The following FAT1 variants were observed in gnomAD, a reference collection of about 807,000 sequenced individuals.
FAT1 encodes the protein protocadherin Fat 1.
FAT1 carries 171 observed loss-of-function variants against 329.8 expected under a neutral mutation model. The ratio of observed to expected loss-of-function variants is 0.52; its 90% CI spans 0.46 to 0.59. The LOEUF (loss-of-function observed/expected upper bound fraction) is 0.59, where lower values mean the gene tolerates loss of function less well. Ranked by LOEUF, FAT1 falls within the 20% of genes least tolerant of loss-of-function variation. FAT1 has a pLI of 0.00. For missense variants in FAT1, 5,672 were observed against 5,774.4 expected (o/e 0.98, Z 0.57); for synonymous variants, 2,233 against 2,228.6 (o/e 1.00, Z -0.06).
chr4:186,621,316 T>A lies in FAT1; in HGVS notation c.5270A>T (p.Asp1757Val), dbSNP rs2126524146. 1.2e-6 allele frequency: 2 copies of A among 1,614,040 alleles called. No homozygotes were observed. Among genetic ancestry groups the A allele is most frequent in the Non-Finnish European group, 1.7e-6 (2 of 1,179,890 alleles). Residue 1757 changes from aspartate to valine, a missense_variant, in exon 10 of 27, where the codon GAT (aspartate) becomes GTT (valine). By Grantham distance (152) the Asp-to-Val change is radical (BLOSUM62 -3). Coordinates refer to ENST00000441802, the MANE Select transcript of FAT1 (RefSeq NM_005245.4). ...AAAAACTGGCGCGTTGTCATTCTCA[T>A]CCTGCAAGTGAACTAGAACCGTTGT... is the stretch of plus-strand genomic sequence containing the variant. ...TNTTVLVHLQ[D>V]ENDNAPVFMQ...
intron 3 of FAT1, among the ~76,000 whole-genome samples, chr4:186,662,344 G>C (rs1202198472): frequency 6.6e-6 from 1 of 152,162 alleles, no homozygotes; most frequent in Non-Finnish European, 1.5e-5. Flanking sequence ...GGTGAACGCA[G>C]TCACCACTTG....
At position 186,596,657 on chromosome 4, in the gene FAT1, G is replaced by T. The variant is rs1393830338; in HGVS notation, c.12883C>A (p.His4295Asn). 3.1e-6 allele frequency: 5 copies of T among 1,610,590 alleles called. No homozygotes were observed. Among genetic ancestry groups the T allele is most frequent in the Non-Finnish European group, 4.2e-6 (5 of 1,177,870 alleles). ...CTGCAGACCGCCACTGCTTTTCGGT[G>T]CCCGTGCACAGACTCGGGGTTAAAA... The part of the protein sequence containing the change: ...STFNPESVHG[H>N]RKAVAVCSVA... Residue 4295 changes from histidine (H) to asparagine (N), a missense_variant, in exon 25 of 27, where the codon CAC becomes AAC. His to Asn is a moderately conservative substitution (Grantham distance 68). Transcript: ENST00000441802. This position sits in a 1 kb window ranked among gnomAD's most constrained non-coding sequence, Gnocchi z 4.7.
intron 1 of FAT1, among the ~76,000 whole-genome samples, chr4:186,711,067 T>A (rs1744925016): frequency 6.6e-6 from 1 of 152,130 alleles, no homozygotes; most frequent in Non-Finnish European, 1.5e-5. Flanking sequence ...ACTCTCAAAT[T>A]AATATTCACA....
chr4:186,628,656 T>C lies in FAT1; in HGVS notation c.4431A>G (p.Gln1477=), dbSNP rs772612352. Residue 1477 remains glutamine, a synonymous_variant, in exon 8 of 27, where the codon CAA becomes CAG. Transcript: ENST00000441802. ...EDTAPETEIL[Q]ISAVDQDEKN... ...TCTCATCCTGATCCACAGCACTGAT[T>C]TGCAAAATTTCTGTTTCTGGCGCTG... is the stretch of plus-strand genomic sequence containing the variant. The C allele has an allele frequency of 3.7e-6, 6 of 1,613,992 alleles. No individual in the cohort carries two copies.
At position 186,628,287 on chromosome 4, in the gene FAT1, G is replaced by A. The variant is rs2126542665; in HGVS notation, c.4677C>T (p.Ala1559=). The A allele has an allele frequency of 6.2e-7, 1 of 1,613,724 alleles. No homozygotes were observed. The highest frequency in any genetic ancestry group is 8.5e-7 in the Non-Finnish European group (1 of 1,179,792). Residue 1559 remains alanine (A), a synonymous_variant, in exon 9 of 27, where the codon GCC becomes GCT. Coordinates refer to ENST00000441802, the MANE Select transcript of FAT1 (RefSeq NM_005245.4). The part of the protein sequence containing the change: ...VVNVSDTNDH[A]PWFTASSYKG... ...TGTAGGAGGAAGCGGTGAACCACGG[G>A]GCGTGGTCATTCGTGTCGCTGACAT... is the stretch of plus-strand genomic sequence containing the variant.
At chr4:186,699,873 A>G (rs1744218307) in intron 2 of FAT1, among the ~76,000 whole-genome samples, 3 of 152,220 alleles carry the variant, frequency 2.0e-5, no homozygotes, top group South Asian at 2.1e-4. Context: ...AAAGCTTAAA[A>G]TCTTTTCAAT....
intron 14 of FAT1, among the ~76,000 whole-genome samples, chr4:186,610,661 A>ATTTATATAAT (rs377319738): frequency 1.2e-5 from 1 of 83,880 alleles, no homozygotes; most frequent in Non-Finnish European, 2.7e-5. Flanking sequence ...ATAAATATAA[A>ATTTATATAAT]TTATATAATT....
chr4:186,589,064 T>G lies in FAT1; in HGVS notation c.13295A>C (p.Glu4432Ala). ...TTCTGGGGGTGGAGGAAAATCACTTTCGATGTCGTAGCCTCCAGGGTAATA... is the reference window on the plus strand; with the variant it reads ...TTCTGGGGGTGGAGGAAAATCACTTGCGATGTCGTAGCCTCCAGGGTAATA... Reference protein sequence around the residue: ...TDYYPGGYDIESDFPPPPEDF... With the variant: ...TDYYPGGYDIASDFPPPPEDF... Residue 4432 changes from glutamate (E) to alanine (A), a missense_variant, in exon 27 of 27, where the codon GAA (glutamate) becomes GCA (alanine). Glu to Ala is a moderately radical substitution (Grantham distance 107). Coordinates refer to ENST00000441802, the MANE Select transcript of FAT1 (RefSeq NM_005245.4). 1.2e-6 allele frequency: 2 copies of G among 1,613,906 alleles called. No individual in the cohort carries two copies. The highest frequency in any genetic ancestry group is 8.5e-7 in the Non-Finnish European group (1 of 1,179,886).
chr4:186,624,698 T>A (rs1740215569), intron 9 of FAT1, among the ~76,000 whole-genome samples: 1 of 152,242 alleles, frequency 6.6e-6, no homozygotes, highest in Admixed American at 6.5e-5. Context: ...TAATTAAACA[T>A]GCAGTGTTAC....
In FAT1 at chr4:186,663,448, T is replaced by C; in HGVS notation, c.3431A>G (p.Tyr1144Cys). 1 of 1,614,050 alleles carries C rather than the reference T, an allele frequency of 6.2e-7. No homozygotes were observed. The highest frequency in any genetic ancestry group is 8.5e-7 in the Non-Finnish European group (1 of 1,179,888). ...DNAPQTSEPV[Y>C]YPEIMENSPK... ...AGAATTTTCCATGATTTCTGGGTAATAAACAGGCTCTGATGTCTGTGGTGC... is the reference window on the plus strand; with the variant it reads ...AGAATTTTCCATGATTTCTGGGTAACAAACAGGCTCTGATGTCTGTGGTGC... The change falls in exon 3 of 27, where the codon TAT becomes TGT. Residue 1144 changes from tyrosine to cysteine, a missense_variant. Tyr to Cys is a radical substitution (Grantham distance 194, BLOSUM62 -2). Transcript: ENST00000441802.
intron 2 of FAT1, among the ~76,000 whole-genome samples, chr4:186,699,585 C>T (rs1156586969): frequency 6.6e-6 from 1 of 151,986 alleles, no homozygotes; most frequent in African/African-American, 2.4e-5. Context: ...GAACGGCAAT[C>T]TTTCCAAGTC....
At chr4:186,606,298 C>CAGTGGTAGCTCACT in intron 16 of FAT1, 85 bp from the exon 17 acceptor site, 38 of 1,449,552 alleles carry the variant, frequency 2.6e-5, no homozygotes, top group South Asian at 9.6e-5. Flanking sequence ...AGAGTCCTGA[C>CAGTGGTAGCTCACT]GGGCAGGTCC....
rs114699568 is a variant in FAT1, at chr4:186,698,536, C to T, written c.3265+8027G>A. Among the ~76,000 whole-genome samples, 883 of 152,298 alleles carry T rather than the reference C, an allele frequency of 5.8e-3. 6 individuals carry two copies. Among genetic ancestry groups the T allele is most frequent in the Middle Eastern group, 0.031 (9 of 294 alleles). ...AAAGATAAGAAACAGCTCCACGTAA[C>T]GAAGAGGGCTGTCAAGAAAGCTTTA... is the stretch of plus-strand genomic sequence containing the variant. On this transcript the variant is annotated intron_variant, in intron 2 of 26. Transcript: ENST00000441802.
At chr4:186,606,253 A>G (rs984174534) in intron 16 of FAT1, 40 bp from the exon 17 acceptor site, 1 of 1,606,310 alleles carries the variant, frequency 6.2e-7, no homozygotes, top group Admixed American at 1.7e-5. Flanking sequence ...CATTTTCACA[A>G]GGCCGACAGA....
In FAT1 at chr4:186,709,230, T is replaced by C. The variant is rs759289718; in HGVS notation, c.598A>G (p.Thr200Ala). Residue 200 changes from threonine (T) to alanine (A), a missense_variant, in exon 2 of 27, where the codon ACC becomes GCC. Thr to Ala is a moderately conservative substitution (Grantham distance 58). This residue lies in a region of FAT1 where 3,966 missense variants were observed against 3,915.2 expected (regional missense o/e 1.01). Coordinates refer to ENST00000441802, the MANE Select transcript of FAT1 (RefSeq NM_005245.4). ...CCAGTTAACACTATCACACCACTGGTTGGGTGAATAGCAAACATATCTGTT... is the reference window on the plus strand; with the variant it reads ...CCAGTTAACACTATCACACCACTGGCTGGGTGAATAGCAAACATATCTGTT... ...DRTDMFAIHP[T>A]SGVIVLTGRL... 4.3e-6 allele frequency: 7 copies of C among 1,613,890 alleles called. No individual in the cohort carries two copies. In the African/African-American group the frequency reaches 6.7e-5, roughly 15 times the overall value.
chr4:186,616,373 C>T (rs1480969650), intron 11 of FAT1, among the ~76,000 whole-genome samples: 1 of 152,090 alleles, frequency 6.6e-6, no homozygotes, highest in Non-Finnish European at 1.5e-5. Flanking sequence ...CTCCCACAAT[C>T]CCTCCTCACA....
At chr4:186,652,685 C>A (rs996005178) in intron 3 of FAT1, among the ~76,000 whole-genome samples, 1 of 152,094 alleles carries the variant, frequency 6.6e-6, no homozygotes, top group Non-Finnish European at 1.5e-5. Flanking sequence ...CCCGTCCTTT[C>A]CTTCCTTTGC....
At chr4:186,675,506 T>G (rs28532777) in intron 2 of FAT1, among the ~76,000 whole-genome samples, 26,198 of 151,986 alleles carry the variant, frequency 0.17, 2,656 homozygotes, top group African/African-American at 0.26. Flanking sequence ...ATGCCTGTAA[T>G]TTCTCCACTT....
At chr4:186,623,600 G>A (rs1023810252) in intron 9 of FAT1, among the ~76,000 whole-genome samples, 3 of 152,190 alleles carry the variant, frequency 2.0e-5, no homozygotes, top group South Asian at 2.1e-4. Flanking sequence ...GTGGAGGAAC[G>A]AAGAGACTAT....
Sources: allele counts gnomAD v4.1 joint callset (sites outside exome capture counted in the v4.1 genomes callset), GRCh38; gene constraint gnomAD v4.1.1; regional missense constraint gnomAD v4.1.1; non-coding constraint Gnocchi (gnomAD v3.1); transcripts MANE v1.5; gene names NCBI Gene and HGNC (gene_info 2026-07-23, HGNC 2026-07-21).